CYP11B2: variants seen among roughly 807,000 people sequenced by gnomAD.
CYP11B2 encodes cytochrome P450 11B2, mitochondrial.
Under a neutral mutation model 49.3 loss-of-function variants are expected in CYP11B2, and 38 were observed. The observed-to-expected ratio is 0.77, with a 90% CI of 0.59 to 1.01. The LOEUF (loss-of-function observed/expected upper bound fraction) is 1.01, where lower values mean the gene tolerates loss of function less well. Among genes scored for constraint, CYP11B2 ranks in the 50% least tolerant of loss-of-function variants. CYP11B2 has a pLI of 0.00. For synonymous variants in CYP11B2, 290 were observed against 269.3 expected (o/e 1.08, Z -0.75); for missense variants, 669 against 655.5 (o/e 1.02, Z -0.23).
rs1376961152 is a variant in CYP11B2 at position 142,917,678 on chromosome 8, T to C, written c.163A>G (p.Ile55Val). 1.2e-6 allele frequency: 2 copies of C among 1,614,126 alleles called. No individual in the cohort carries two copies. Among genetic ancestry groups the C allele is most frequent in the South Asian group, 2.2e-5 (2 of 91,088 alleles). ...TGCTCATAACCCTGCTCCCTCCAGA[T>C]CTGCAGCAGCCTCAGCCACCTGTTG... ...PGNRWLRLLQ[I>V]WREQGYEHLH... The change falls in exon 1 of 9, where the codon ATC becomes GTC. Residue 55 changes from isoleucine to valine, a missense_variant. Physicochemically the swap from Ile to Val is conservative, Grantham distance 29 (BLOSUM62 3). Coordinates refer to ENST00000323110, the MANE Select transcript of CYP11B2 (RefSeq NM_000498.3).
rs1200588089 is a variant in CYP11B2, at chr8:142,916,934, C to T, written c.395+125G>A. ...ATGGCCGTCCTCTGGGCCGGGTGCTCACCCTCACTGCCCACCACAGGGGCC... is the reference window on the plus strand; with the variant it reads ...ATGGCCGTCCTCTGGGCCGGGTGCTTACCCTCACTGCCCACCACAGGGGCC... On this transcript the variant is annotated intron_variant, in intron 2 of 8. Transcript: ENST00000323110. 1.2e-5 allele frequency: 17 copies of T among 1,458,606 alleles called. No individual in the cohort carries two copies. In the East Asian group the frequency reaches 3.9e-4, roughly 34 times the overall value. 90.4% of individuals were successfully genotyped at this position (1,458,606 alleles called of 1,614,324 possible).
At position 142,917,716 on chromosome 8, in the gene CYP11B2, G is replaced by T; in HGVS notation, c.125C>A (p.Pro42His). The change falls in exon 1 of 9, where the codon CCC becomes CAC. Residue 42 changes from proline to histidine, a missense_variant. Physicochemically the swap from Pro to His is moderately conservative, Grantham distance 77. Coordinates refer to ENST00000323110, the MANE Select transcript of CYP11B2 (RefSeq NM_000498.3). Reference protein sequence around the residue: ...PRTVLPFEAMPQHPGNRWLRL... With the variant: ...PRTVLPFEAMHQHPGNRWLRL... The stretch of plus-strand genomic sequence containing the variant: ...CAGCCACCTGTTGCCTGGATGCTGG[G>T]GCATGGCTTCAAACGGCAGCACCGT... 1 of 1,614,234 alleles carries T rather than the reference G, an allele frequency of 6.2e-7. No homozygotes were observed. Among genetic ancestry groups the T allele is most frequent in the Non-Finnish European group, 8.5e-7 (1 of 1,180,038 alleles).
At position 142,911,615 on chromosome 8, in the gene CYP11B2, T is replaced by A. The variant is rs951410464; in HGVS notation, c.*365A>T. 2 of 324,700 alleles carry A rather than the reference T, an allele frequency of 6.2e-6. No individual in the cohort carries two copies. The highest frequency in any genetic ancestry group is 4.3e-5 in the African/African-American group (2 of 46,936). 20.1% of individuals were successfully genotyped at this position (324,700 alleles called of 1,614,324 possible). On this transcript the variant is annotated 3_prime_UTR_variant, in exon 9 of 9. Transcript: ENST00000323110. ...CGAGAGGGACAGGGACATGTGAGAC[T>A]AGGCAGGAAGGCAAGGGACAAAATC...
chr8:142,912,746 A>G lies in CYP11B2; in HGVS notation c.1201-19T>C, dbSNP rs61757293. ...CCAATGTCTGCGGACGGTGCAGAGC[A>G]GGGATCAGGGAATGACTGGGGAGGG... On this transcript the variant is annotated intron_variant, in intron 7 of 8. Coordinates refer to ENST00000323110, the MANE Select transcript of CYP11B2 (RefSeq NM_000498.3). 1,989 of 1,611,860 alleles carry G rather than the reference A, an allele frequency of 1.2e-3. 20 individuals are homozygous for G. Among genetic ancestry groups the G allele is most frequent in the South Asian group, 9.5e-3 (863 of 91,048 alleles).
Position 142,911,755 on chromosome 8 carries a change from C to A in CYP11B2, c.*225G>T. 1.6e-6 allele frequency: 1 copy of A among 626,052 alleles called. No individual in the cohort carries two copies. The highest frequency in any genetic ancestry group is 2.7e-6 in the Non-Finnish European group (1 of 370,118). The allele number at this position is 626,052 out of a possible 1,614,324, so 38.8% of individuals were successfully genotyped here. A position where few individuals can be genotyped will look rare whatever the true frequency, so the allele number is the denominator to read the frequency against. ...GGGCCAGGTGGAGCTGGGGACAAGG[C>A]CAGGCCCTGCCAGCAAGATCGTCTC... On this transcript the variant is annotated 3_prime_UTR_variant, in exon 9 of 9. Transcript: ENST00000323110.
At chr8:142,916,500 G>T in intron 2 of CYP11B2, 1 of 449,906 alleles carries the variant, frequency 2.2e-6, no homozygotes, top group South Asian at 1.6e-5. Flanking sequence ...CCTCCCCAGT[G>T]CCATCAACCG....
chr8:142,912,474 T>C (rs575545897), intron 8 of CYP11B2, 56 bp downstream of exon 8: 6 of 1,562,148 alleles, frequency 3.8e-6, no homozygotes, highest in South Asian at 1.1e-5. Context: ...CCGCCCCCAG[T>C]GTGCAGGTCC....
chr8:142,912,784 C>G (rs1390787121), intron 7 of CYP11B2, 23 bp downstream of exon 7: 4 of 1,613,612 alleles, frequency 2.5e-6, no homozygotes, highest in Middle Eastern at 1.6e-4. Flanking sequence ...GTTCTCAGCT[C>G]GAGGGGTGTG....
rs1464107572 is a variant in CYP11B2 at position 142,912,590 on chromosome 8, G to A, written c.1338C>T (p.Gly446=). ...GGCGCCGCCCGAGGCACTGGCGCAT[G>A]CCAAAGCCAAAGGGCACGTGGTGGA... The part of the protein sequence containing the change: ...RNFHHVPFGF[G]MRQCLGRRLA... The change falls in exon 8 of 9, where the codon GGC becomes GGT. Residue 446 remains glycine (G), a synonymous_variant. Coordinates refer to ENST00000323110, the MANE Select transcript of CYP11B2 (RefSeq NM_000498.3). 1.9e-6 allele frequency: 3 copies of A among 1,614,170 alleles called. No individual in the cohort carries two copies. The highest frequency in any genetic ancestry group is 1.7e-6 in the Non-Finnish European group (2 of 1,180,028).
intron 1 of CYP11B2, 96 bp downstream of exon 1, chr8:142,917,506 A>G (rs1403148571): frequency 6.2e-7 from 1 of 1,613,208 alleles, no homozygotes; most frequent in African/African-American, 1.3e-5. Flanking sequence ...GAGTGCCGGG[A>G]CCTGCTGGGA....
At position 142,915,198 on chromosome 8, in the gene CYP11B2, A is replaced by T; in HGVS notation, c.443T>A (p.Val148Glu). The T allele has an allele frequency of 6.2e-7, 1 of 1,614,192 alleles. No individual in the cohort carries two copies. The change falls in exon 3 of 9, where the codon GTG (valine) becomes GAG (glutamate). Residue 148 changes from valine to glutamate, a missense_variant. Val to Glu is a moderately radical substitution (Grantham distance 121). Transcript: ENST00000323110. ...RFNRLRLNPD[V>E]LSPKAVQRFL... ...CCTCTGCACGGCCTTGGGCGACAGC[A>T]CATCTGGGTTCAGCCGCAATCGGTT... is the stretch of plus-strand genomic sequence containing the variant.
At chr8:142,912,495 GC>G (rs1563879611) in intron 8 of CYP11B2, 34 bp downstream of exon 8, 1 of 1,601,900 alleles carries the variant, frequency 6.2e-7, no homozygotes, top group Non-Finnish European at 8.5e-7. Context: ...CGCCTCTGCT[GC>G]CCAGGTCCCG....
At chr8:142,912,909 A>C in intron 6 of CYP11B2, 24 bp from the exon 7 acceptor site, 1 of 1,604,826 alleles carries the variant, frequency 6.2e-7, no homozygotes. Flanking sequence ...CATCCATAGA[A>C]AGGGTCCTCA....
rs755038323 is a variant in CYP11B2, at chr8:142,915,095, C to T, written c.546G>A (p.Gly182=). Residue 182 remains glycine, a synonymous_variant, in exon 3 of 9, where the codon GGG becomes GGA. Coordinates refer to ENST00000323110, the MANE Select transcript of CYP11B2 (RefSeq NM_000498.3). The stretch of plus-strand genomic sequence containing the variant: ...TGGGCTGGACGTCCAGGGTCAGGCT[C>T]CCCCGGGCGTTCTGCAGCACCTTCT... ...LKKKVLQNAR[G]SLTLDVQPSI... 1.2e-5 allele frequency: 20 copies of T among 1,613,646 alleles called. No homozygotes were observed. Among genetic ancestry groups the T allele is most frequent in the Middle Eastern group, 1.6e-4 (1 of 6,062 alleles).
In CYP11B2 at chr8:142,916,948, A is replaced by T. The variant is rs545182620; in HGVS notation, c.395+111T>A. 105 of 1,515,682 alleles carry T rather than the reference A, an allele frequency of 6.9e-5. No individual in the cohort carries two copies. In the African/African-American group the frequency reaches 1.3e-3, roughly 19 times the overall value. 93.9% of individuals were successfully genotyped at this position (1,515,682 alleles called of 1,614,324 possible). A position where few individuals can be genotyped will look rare whatever the true frequency, so the allele number is the denominator to read the frequency against. Reference sequence around the variant, plus strand: ...GGCCGGGTGCTCACCCTCACTGCCCACCACAGGGGCCCAGGGCAGATGTGC... The same window carrying T: ...GGCCGGGTGCTCACCCTCACTGCCCTCCACAGGGGCCCAGGGCAGATGTGC... On this transcript the variant is annotated intron_variant, in intron 2 of 8. Coordinates refer to ENST00000323110, the MANE Select transcript of CYP11B2 (RefSeq NM_000498.3).
At chr8:142,917,564 A>C (rs1367196654) in intron 1 of CYP11B2, 38 bp downstream of exon 1, 9 of 1,613,844 alleles carry the variant, frequency 5.6e-6, no homozygotes, top group South Asian at 1.1e-5. Flanking sequence ...AGGGGCAGGG[A>C]TCTGGGTGTT....
chr8:142,917,109 G>C lies in CYP11B2; in HGVS notation c.345C>G (p.Pro115=), dbSNP rs1350901217. 6.2e-7 allele frequency: 1 copy of C among 1,614,078 alleles called. No individual in the cohort carries two copies. Among genetic ancestry groups the C allele is most frequent in the Non-Finnish European group, 8.5e-7 (1 of 1,180,032 alleles). Residue 115 remains proline (P), a synonymous_variant, in exon 2 of 9, where the codon CCC becomes CCG. Coordinates refer to ENST00000323110, the MANE Select transcript of CYP11B2 (RefSeq NM_000498.3). ...CACGATGTTGTCTGTAGGCCACCCA[G>C]GGCTCCAGGATCATCCTGCAGGGAT... is the stretch of plus-strand genomic sequence containing the variant. ...SLHPCRMILE[P]WVAYRQHRGH... is the part of the protein sequence containing the mutation.
chr8:142,914,498 C>G, intron 4 of CYP11B2, 80 bp from the exon 5 acceptor site: 4 of 1,480,812 alleles, frequency 2.7e-6, no homozygotes, highest in Non-Finnish European at 3.7e-6. Context: ...CCCAGACTGC[C>G]CCGACACCCA....
chr8:142,917,066 A>G lies in CYP11B2; in HGVS notation c.388T>C (p.Phe130Leu). Reference sequence around the variant, plus strand: ...TCCCAACTCGCCGCTTACAACAAGAACACGCCACATTTGTGCCCACGATGT... The same window carrying G: ...TCCCAACTCGCCGCTTACAACAAGAGCACGCCACATTTGTGCCCACGATGT... ...RQHRGHKCGV[F>L]LLNGPEWRFN... The change falls in exon 2 of 9, where the codon TTC (phenylalanine) becomes CTC (leucine). Residue 130 changes from phenylalanine (F) to leucine (L), a missense_variant. Transcript: ENST00000323110. 1.2e-6 allele frequency: 2 copies of G among 1,614,160 alleles called. No homozygotes were observed. The highest frequency in any genetic ancestry group is 1.7e-6 in the Non-Finnish European group (2 of 1,180,016).
Sources: allele counts gnomAD v4.1 joint callset, GRCh38; gene constraint gnomAD v4.1.1; transcripts MANE v1.5; gene names NCBI Gene and HGNC (gene_info 2026-07-23, HGNC 2026-07-21).